The following ANKRD26 variants were observed in gnomAD, a reference collection of about 807,000 sequenced individuals.
The protein encoded by ANKRD26 is ankyrin repeat domain 26.
Under a neutral mutation model 208.7 loss-of-function variants are expected in ANKRD26, and 141 were observed. The ratio of observed to expected loss-of-function variants is 0.68; its 90% CI spans 0.59 to 0.78. ANKRD26 has a LOEUF of 0.78. Ranked by LOEUF, ANKRD26 falls within the 30% of genes least tolerant of loss-of-function variation. The pLI is 0.00. For missense variants in ANKRD26, 1,889 were observed against 1,938.7 expected, an observed-to-expected ratio of 0.97 and a Z score of 0.48; for synonymous variants, 636 against 660.4, an observed-to-expected ratio of 0.96 and a Z score of 0.57.
At chr10:26,979,727 C>A (rs185461248) in intron 5 of ANKRD26, among the ~76,000 whole-genome samples, 9 of 152,202 alleles carry the variant, frequency 5.9e-5, no homozygotes, top group Admixed American at 5.9e-4. Context: ...CTCAGAGCAC[C>A]CCTAGTCTTC....
At chr10:27,070,788 CCT>C (rs34198810) in intron 9 of ANKRD26, among the ~76,000 whole-genome samples, 12,403 of 152,000 alleles carry the variant, frequency 0.082, 707 homozygotes, top group East Asian at 0.28. Context: ...GACTCAGCCC[CCT>C]GAGTAGCTGG....
rs148188116 is a variant in ANKRD26 at position 27,081,958 on chromosome 10, G to C, written c.740+845C>G. Among the ~76,000 whole-genome samples, 576 of 150,254 alleles carry C rather than the reference G, an allele frequency of 3.8e-3. 2 individuals carry two copies. Among genetic ancestry groups the C allele is most frequent in the African/African-American group, 0.013 (545 of 40,802 alleles). On this transcript the variant is annotated intron_variant, in intron 6 of 33. Coordinates refer to ENST00000376087, the MANE Select transcript of ANKRD26 (RefSeq NM_014915.3). The stretch of plus-strand genomic sequence containing the variant: ...TCACCGTGTTAGCCAGGCTGGTCTC[G>C]ATCTCCTGACTTTGTGATATGCCCA...
Position 27,034,896 on chromosome 10 carries a change from T to A in ANKRD26, c.3554A>T (p.Gln1185Leu). The A allele has an allele frequency of 6.2e-7, 1 of 1,613,896 alleles. No homozygotes were observed. Among genetic ancestry groups the A allele is most frequent in the Non-Finnish European group, 8.5e-7 (1 of 1,179,900 alleles). The change falls in exon 24 of 34, where the codon CAA (glutamine) becomes CTA (leucine). Residue 1185 changes from glutamine to leucine, a missense_variant. Physicochemically the swap from Gln to Leu is moderately radical, Grantham distance 113 (BLOSUM62 -2). Around this residue, in one of 3 missense-constraint regions of ANKRD26, gnomAD observed 613 missense variants for 648.2 expected, o/e 0.95. Transcript: ENST00000376087. ...VQKLQAESEK[Q>L]SLLLEERNKE... Reference sequence around the variant, plus strand: ...ATTTCTTTCTTCTAGCAGAAGACTTTGCTTTTCACTCTCAGCTTGAAGTTT... The same window carrying A: ...ATTTCTTTCTTCTAGCAGAAGACTTAGCTTTTCACTCTCAGCTTGAAGTTT...
In ANKRD26 at chr10:27,029,297, A is replaced by G; in HGVS notation, c.3867T>C (p.Asp1289=). ...GCTTTAAATTTTACTTTTGCTTGTG[A>G]TCTTGCATCTTCTCAGCACATCTGA... ...EAVRCAEKMQ[D]HKQKLEKDNA... Residue 1289 remains aspartate (D), a synonymous_variant, in exon 26 of 34, where the codon GAT becomes GAC. Transcript: ENST00000376087. The G allele has an allele frequency of 6.2e-7, 1 of 1,612,056 alleles. No homozygotes were observed. The highest frequency in any genetic ancestry group is 1.3e-5 in the African/African-American group (1 of 75,020).
At chr10:27,073,886 CA>C (rs2055594510) in intron 9 of ANKRD26, among the ~76,000 whole-genome samples, 1 of 152,088 alleles carries the variant, frequency 6.6e-6, no homozygotes, top group Admixed American at 6.5e-5. Flanking sequence ...AATCATCACA[CA>C]AAGATTCTCT....
intron 25 of ANKRD26, among the ~76,000 whole-genome samples, chr10:27,030,791 C>G (rs1354300863): frequency 6.6e-6 from 1 of 151,782 alleles, no homozygotes; most frequent in Non-Finnish European, 1.5e-5. Context: ...AGAATAAAAG[C>G]TTTATTATAT....
At chr10:27,046,203 T>C in intron 18 of ANKRD26, 150 bp downstream of exon 18, 1 of 823,020 alleles carries the variant, frequency 1.2e-6, no homozygotes, top group Non-Finnish European at 1.9e-6. Flanking sequence ...AAATGGCTGC[T>C]TGTCAAAGTC....
At chr10:27,074,461 G>A (rs1314306767) in intron 9 of ANKRD26, among the ~76,000 whole-genome samples, 16 of 152,098 alleles carry the variant, frequency 1.1e-4, no homozygotes, top group African/African-American at 3.6e-4. Flanking sequence ...TGGGTGGATC[G>A]CTTGAGGTCA....
At chr10:27,058,797 C>T (rs183136034) in intron 15 of ANKRD26, among the ~76,000 whole-genome samples, 9 of 152,112 alleles carry the variant, frequency 5.9e-5, no homozygotes, top group African/African-American at 1.7e-4. Context: ...AGGATGGTCT[C>T]GATCTCCTGA....
intron 16 of ANKRD26, among the ~76,000 whole-genome samples, chr10:27,050,613 C>G (rs1041771884): frequency 6.6e-6 from 1 of 152,094 alleles, no homozygotes; most frequent in Non-Finnish European, 1.5e-5. Flanking sequence ...TATTTGTTAA[C>G]AATACTCAGG....
Position 27,017,517 on chromosome 10 carries a change from G to T in ANKRD26, c.4491C>A (p.Val1497=). ...ATAAGCTAACCTGTAAAAATAGATT[G>T]ACTTCTTTTAATTTTTCTGCTATTT... ...RQEIAEKLKE[V]NLFLQAQAAS... The change falls in exon 30 of 34, where the codon GTC becomes GTA. Residue 1497 remains valine, a synonymous_variant. Coordinates refer to ENST00000376087, the MANE Select transcript of ANKRD26 (RefSeq NM_014915.3). 6.2e-7 allele frequency: 1 copy of T among 1,613,412 alleles called. No individual in the cohort carries two copies. Among genetic ancestry groups the T allele is most frequent in the South Asian group, 1.1e-5 (1 of 91,000 alleles).
chr10:26,987,971 C>T (rs75908604), downstream of ANKRD26, among the ~76,000 whole-genome samples: 837 of 152,162 alleles, frequency 5.5e-3, 28 homozygotes, highest in East Asian at 0.1. Flanking sequence ...GGTCAGTAGC[C>T]CAGGTGCCGT....
chr10:27,056,213 T>C (rs564062217), intron 15 of ANKRD26, among the ~76,000 whole-genome samples: 30 of 152,296 alleles, frequency 2.0e-4, no homozygotes, highest in Admixed American at 1.9e-3. Flanking sequence ...AGTCTTGCTC[T>C]GTCGCCCAGG....
intron 25 of ANKRD26, chr10:27,030,617 T>C (rs34844053): frequency 0.15 from 152,336 of 984,074 alleles, 13,506 homozygotes; most frequent in East Asian, 0.56. Flanking sequence ...AATAAAGAAA[T>C]GGAAATGTAG....
the ANKRD26 span, among the ~76,000 whole-genome samples, chr10:26,965,975 G>C: frequency 6.6e-6 from 1 of 152,202 alleles, no homozygotes; most frequent in Non-Finnish European, 1.5e-5. Context: ...TTAAAAGTCA[G>C]GAAACAATAG....
intron 9 of ANKRD26, among the ~76,000 whole-genome samples, chr10:27,076,084 C>T (rs1039683007): frequency 2.0e-5 from 3 of 151,966 alleles, no homozygotes; most frequent in Non-Finnish European, 2.9e-5. Context: ...TTATCAAAAC[C>T]TCTTACAGCA....
intron 16 of ANKRD26, among the ~76,000 whole-genome samples, chr10:27,052,926 T>C (rs567345889): frequency 5.9e-5 from 9 of 152,274 alleles, no homozygotes; most frequent in African/African-American, 2.2e-4. Context: ...TGATTACTCC[T>C]TTAAGATGAA....
At chr10:26,995,437 A>G (rs1158493140) in intron 4 of ANKRD26, among the ~76,000 whole-genome samples, 1 of 152,090 alleles carries the variant, frequency 6.6e-6, no homozygotes, top group African/African-American at 2.4e-5. Flanking sequence ...TCTGATGGTC[A>G]TGATGTTACT....
intron 9 of ANKRD26, among the ~76,000 whole-genome samples, chr10:27,073,559 T>C (rs1002351806): frequency 2.6e-5 from 4 of 152,296 alleles, no homozygotes; most frequent in Admixed American, 2.0e-4. Context: ...GAAAACACTT[T>C]AGTGCATATC....
Sources: gnomAD v4.1 joint callset for allele counts (sites outside exome capture counted in the v4.1 genomes callset) on GRCh38, gnomAD v4.1.1 for gene constraint, gnomAD v4.1.1 regional missense constraint, MANE v1.5 for transcripts, NCBI Gene and HGNC (gene_info 2026-07-23, HGNC 2026-07-21) for gene names.